THSD7B: variants seen among roughly 807,000 people sequenced by gnomAD.
THSD7B encodes thrombospondin type-1 domain-containing protein 7B.
A neutral mutation model predicts 213.6 loss-of-function variants in THSD7B; 138 were observed. The observed-to-expected ratio is 0.65, with a 90% CI of 0.56 to 0.74. The LOEUF is 0.74. THSD7B is among the 30% of genes least tolerant of loss of function. The pLI, the probability that THSD7B is intolerant of heterozygous loss-of-function variation, is 0.00. For synonymous variants in THSD7B, 742 were observed against 687.0 expected (o/e 1.08, Z -1.25); for missense variants, 1,931 against 1,991.5 (o/e 0.97, Z 0.58).
At chr2:137,136,519 T>C (rs1352140261) in intron 5 of THSD7B, among the ~76,000 whole-genome samples, 1 of 152,200 alleles carries the variant, frequency 6.6e-6, no homozygotes, top group African/African-American at 2.4e-5. Flanking sequence ...GATTGGTTGA[T>C]GTAGGCCATA....
chr2:136,934,065 T>G (rs963496126), intron 2 of THSD7B, among the ~76,000 whole-genome samples: 2 of 152,180 alleles, frequency 1.3e-5, no homozygotes, highest in Non-Finnish European at 2.9e-5. Context: ...ATTAGTCTAA[T>G]TAAATTAGGG....
At chr2:137,211,235 A>G (rs982747825) in intron 7 of THSD7B, among the ~76,000 whole-genome samples, 1 of 146,802 alleles carries the variant, frequency 6.8e-6, no homozygotes, top group African/African-American at 2.5e-5. Context: ...CTGTTTAATT[A>G]TTTTGTTCAC....
At chr2:136,923,864 G>T (rs1684477857) in intron 2 of THSD7B, among the ~76,000 whole-genome samples, 1 of 152,096 alleles carries the variant, frequency 6.6e-6, no homozygotes, top group Non-Finnish European at 1.5e-5. Context: ...CTCCTTATCA[G>T]ATATATGATT....
intron 10 of THSD7B, among the ~76,000 whole-genome samples, chr2:137,251,602 T>C (rs1682178880): frequency 6.6e-6 from 1 of 152,124 alleles, no homozygotes; most frequent in Non-Finnish European, 1.5e-5. Flanking sequence ...TAAGGTGAAA[T>C]GCAAAATTGT....
chr2:137,104,680 AAGAG>A (rs1318426114), intron 4 of THSD7B, among the ~76,000 whole-genome samples: 2 of 152,196 alleles, frequency 1.3e-5, no homozygotes, highest in South Asian at 2.1e-4. Context: ...TAAAGAATAA[AAGAG>A]AGAAGAATCA....
intron 15 of THSD7B, among the ~76,000 whole-genome samples, chr2:137,562,385 A>G (rs573361944): frequency 6.6e-6 from 1 of 152,214 alleles, no homozygotes; most frequent in Non-Finnish European, 1.5e-5. Flanking sequence ...TAAAGGAGCA[A>G]TGCAATTGAA....
Position 137,056,912 on chromosome 2 carries a change from T to C in THSD7B, c.632T>C (p.Leu211Pro), listed in dbSNP as rs1454944861. The change falls in exon 3 of 28, where the codon CTC (leucine) becomes CCC (proline). Residue 211 changes from leucine (L) to proline (P), a missense_variant. Transcript: ENST00000409968. ...HRTRAVIAPP[L>P]FGGLQCPNLT... ...ACTCGCGCGGTCATAGCTCCCCCTC[T>C]CTTTGGTGGTTTGCAATGTCCAAAT... 4 of 1,613,908 alleles carry C rather than the reference T, an allele frequency of 2.5e-6. No individual in the cohort carries two copies. The highest frequency in any genetic ancestry group is 3.4e-6 in the Non-Finnish European group (4 of 1,179,862).
chr2:137,067,570 T>C (rs1384703912), intron 3 of THSD7B, among the ~76,000 whole-genome samples: 1 of 151,918 alleles, frequency 6.6e-6, no homozygotes. Context: ...GGGGAAAGAG[T>C]CTTTTGTCCC....
intron 7 of THSD7B, among the ~76,000 whole-genome samples, chr2:137,219,381 T>G (rs1427580369): frequency 2.0e-5 from 3 of 152,118 alleles, no homozygotes; most frequent in African/African-American, 7.2e-5. Context: ...GCTCTACAAA[T>G]TTTTCATAAA....
intron 12 of THSD7B, among the ~76,000 whole-genome samples, chr2:137,366,257 G>A (rs1426713800): frequency 1.3e-5 from 2 of 152,100 alleles, no homozygotes. Context: ...GGGGGGATGA[G>A]GATGGGATAG....
At chr2:136,918,418 T>A (rs1684380399) in intron 2 of THSD7B, among the ~76,000 whole-genome samples, 1 of 152,236 alleles carries the variant, frequency 6.6e-6, no homozygotes, top group South Asian at 2.1e-4. Context: ...ACTTGTTGAA[T>A]CACCTTGCCA....
intron 10 of THSD7B, among the ~76,000 whole-genome samples, chr2:137,261,808 A>C (rs1682458174): frequency 6.6e-6 from 1 of 152,078 alleles, no homozygotes; most frequent in South Asian, 2.1e-4. Flanking sequence ...AAAAATTTTA[A>C]TATGACAACT....
intron 2 of THSD7B, among the ~76,000 whole-genome samples, chr2:136,996,633 A>G (rs1455731948): frequency 1.3e-5 from 2 of 152,196 alleles, no homozygotes; most frequent in Admixed American, 6.5e-5. Context: ...GGCGTGAGTC[A>G]CTGCATCTAG....
chr2:136,872,828 A>AAAAAAAAAAAAAC (rs1558833587), intron 1 of THSD7B, among the ~76,000 whole-genome samples: 1 of 147,472 alleles, frequency 6.8e-6, no homozygotes, highest in African/African-American at 2.5e-5. Context: ...AAAAAAAAAA[A>AAAAAAAAAAAAAC]AAAAAAAAAA....
At chr2:137,103,087 G>A (rs550426613) in intron 4 of THSD7B, among the ~76,000 whole-genome samples, 43 of 152,158 alleles carry the variant, frequency 2.8e-4, no homozygotes, top group Admixed American at 1.6e-3. Flanking sequence ...CAAAATCGTC[G>A]GATTCACCAA....
intron 12 of THSD7B, among the ~76,000 whole-genome samples, chr2:137,372,086 C>A (rs935345951): frequency 6.6e-6 from 1 of 152,074 alleles, no homozygotes. Flanking sequence ...TCTGGCTGGA[C>A]TGTTCAGTTG....
At chr2:137,212,817 A>T (rs1681147295) in intron 7 of THSD7B, among the ~76,000 whole-genome samples, 1 of 152,064 alleles carries the variant, frequency 6.6e-6, no homozygotes, top group Non-Finnish European at 1.5e-5. Flanking sequence ...GCTCCAGGAC[A>T]AAACCAAGAT....
At chr2:137,627,786 C>T (rs941852977) in intron 20 of THSD7B, among the ~76,000 whole-genome samples, 3 of 152,118 alleles carry the variant, frequency 2.0e-5, no homozygotes, top group African/African-American at 4.8e-5. Flanking sequence ...CAATGTCCAA[C>T]AATAATATGT....
intron 10 of THSD7B, among the ~76,000 whole-genome samples, chr2:137,258,665 C>T (rs1354785655): frequency 4.1e-5 from 6 of 146,132 alleles, no homozygotes; most frequent in African/African-American, 1.5e-4. Context: ...ATACCATGCT[C>T]TTTTTTTTTT....
Sources: gnomAD v4.1 joint callset for allele counts (sites outside exome capture counted in the v4.1 genomes callset) on GRCh38, gnomAD v4.1.1 for gene constraint, MANE v1.5 for transcripts, NCBI Gene and HGNC (gene_info 2026-07-23, HGNC 2026-07-21) for gene names.